GRM3: variants seen among roughly 807,000 people sequenced by gnomAD.
GRM3 encodes the protein metabotropic glutamate receptor 3.
GRM3 carries 26 observed loss-of-function variants against 70.5 expected under a neutral mutation model. The ratio of observed to expected loss-of-function variants is 0.37; its 90% CI spans 0.27 to 0.51. The LOEUF is 0.51. Ranked by LOEUF, GRM3 falls within the 20% of genes least tolerant of loss-of-function variation. The pLI is 0.93. For synonymous variants in GRM3, 443 were observed against 434.9 expected (o/e 1.02, Z -0.23); for missense variants, 859 against 1,123.8 (o/e 0.76, Z 3.37).
intron 1 of GRM3, among the ~76,000 whole-genome samples, chr7:86,746,206 T>C (rs1413713502): frequency 6.6e-6 from 1 of 151,458 alleles, no homozygotes; most frequent in Admixed American, 6.6e-5. Flanking sequence ...AGTACTTTGT[T>C]GATGTTCTGT....
chr7:86,688,751 A>G (rs1414993899), intron 1 of GRM3, among the ~76,000 whole-genome samples: 3 of 148,506 alleles, frequency 2.0e-5, no homozygotes, highest in Non-Finnish European at 3.0e-5. Flanking sequence ...TATATCGTAT[A>G]TATATATCTC....
chr7:86,857,102 T>C (rs1192754715), intron 5 of GRM3, among the ~76,000 whole-genome samples: 1 of 151,836 alleles, frequency 6.6e-6, no homozygotes, highest in Non-Finnish European at 1.5e-5. Flanking sequence ...ATTCTGACAA[T>C]GAGAATGTTA....
Position 86,765,423 on chromosome 7 carries a change from T to C in GRM3, c.278T>C (p.Val93Ala), listed in dbSNP as rs1796576276. 1.2e-6 allele frequency: 2 copies of C among 1,613,838 alleles called. No homozygotes were observed. Among genetic ancestry groups the C allele is most frequent in the African/African-American group, 2.7e-5 (2 of 74,900 alleles). Residue 93 changes from valine (V) to alanine (A), a missense_variant, in exon 2 of 6, where the codon GTT becomes GCT. Val to Ala is a moderately conservative substitution (Grantham distance 64). Coordinates refer to ENST00000361669, the MANE Select transcript of GRM3 (RefSeq NM_000840.3). ...DYLLPGVKLG[V>A]HILDTCSRDT... ...TTGCTACCAGGAGTGAAGTTGGGTG[T>C]TCACATTTTGGATACATGTTCAAGG...
intron 1 of GRM3, among the ~76,000 whole-genome samples, chr7:86,736,885 A>T (rs2116304584): frequency 6.6e-6 from 1 of 152,240 alleles, no homozygotes; most frequent in African/African-American, 2.4e-5. Flanking sequence ...TCATAAACTA[A>T]AATTTGCAGA....
At chr7:86,704,913 A>G (rs542493613) in intron 1 of GRM3, among the ~76,000 whole-genome samples, 7 of 151,994 alleles carry the variant, frequency 4.6e-5, no homozygotes, top group Non-Finnish European at 1.0e-4. Flanking sequence ...CAAAAATCTC[A>G]AAACTAAGGA....
chr7:86,847,838 A>G (rs770495430), intron 4 of GRM3, among the ~76,000 whole-genome samples: 1 of 152,208 alleles, frequency 6.6e-6, no homozygotes, highest in Non-Finnish European at 1.5e-5. Flanking sequence ...GAACTGGATA[A>G]CTGAAACTAT....
At chr7:86,752,258 A>T (rs1480199516) in intron 1 of GRM3, among the ~76,000 whole-genome samples, 4 of 152,104 alleles carry the variant, frequency 2.6e-5, no homozygotes, top group Non-Finnish European at 5.9e-5. Context: ...ATATAAATGG[A>T]TTCATGCAAT....
intron 1 of GRM3, among the ~76,000 whole-genome samples, chr7:86,708,565 G>A (rs766413220): frequency 7.9e-5 from 12 of 152,100 alleles, no homozygotes; most frequent in Non-Finnish European, 1.6e-4. Context: ...TTTGCCAGCT[G>A]GGGATAGACA....
Position 86,765,562 on chromosome 7 carries a change from A to G in GRM3, c.417A>G (p.Pro139=), listed in dbSNP as rs1258173964. Residue 139 remains proline (P), a synonymous_variant, in exon 2 of 6, where the codon CCA becomes CCG. Coordinates refer to ENST00000361669, the MANE Select transcript of GRM3 (RefSeq NM_000840.3). ...CCTATGCCATTCAAGAAAACATCCC[A>G]CTTCTCATTGCAGGGGTCATTGGTG... The part of the protein sequence containing the change: ...DGSYAIQENI[P]LLIAGVIGGS... The G allele has an allele frequency of 2.5e-6, 4 of 1,613,584 alleles. No individual in the cohort carries two copies. In the East Asian group the frequency reaches 6.7e-5, roughly 27 times the overall value.
chr7:86,728,430 T>G (rs1254533184), intron 1 of GRM3, among the ~76,000 whole-genome samples: 2 of 152,214 alleles, frequency 1.3e-5, no homozygotes, highest in Non-Finnish European at 1.5e-5. Flanking sequence ...TAGAAAGTTT[T>G]AAAAAGCTTG....
intron 1 of GRM3, among the ~76,000 whole-genome samples, chr7:86,682,737 AC>A (rs920575610): frequency 6.6e-6 from 1 of 152,134 alleles, no homozygotes; most frequent in Admixed American, 6.6e-5. Context: ...TCATTCAGCA[AC>A]TATTTATTGA....
At chr7:86,701,280 T>A (rs1430237105) in intron 1 of GRM3, among the ~76,000 whole-genome samples, 1 of 151,922 alleles carries the variant, frequency 6.6e-6, no homozygotes, top group Non-Finnish European at 1.5e-5. Context: ...GCTAGTCTAT[T>A]AAGTAAAATA....
chr7:86,732,288 C>G (rs1054499774), intron 1 of GRM3, among the ~76,000 whole-genome samples: 1 of 152,118 alleles, frequency 6.6e-6, no homozygotes, highest in African/African-American at 2.4e-5. Flanking sequence ...GTACTAAGTG[C>G]CTTAAAAACA....
chr7:86,750,757 AT>A (rs1796211592), intron 1 of GRM3, among the ~76,000 whole-genome samples: 1 of 152,108 alleles, frequency 6.6e-6, no homozygotes, highest in Non-Finnish European at 1.5e-5. Flanking sequence ...ACAAAGATCA[AT>A]AAAAGATTGA....
chr7:86,826,617 A>G (rs1022962806), intron 3 of GRM3, among the ~76,000 whole-genome samples: 1 of 152,242 alleles, frequency 6.6e-6, no homozygotes, highest in African/African-American at 2.4e-5. Context: ...TAGTAACCTT[A>G]ATATGGTGAC....
intron 1 of GRM3, among the ~76,000 whole-genome samples, chr7:86,743,738 G>A (rs1796041917): frequency 6.6e-6 from 1 of 152,104 alleles, no homozygotes; most frequent in African/African-American, 2.4e-5. Context: ...GAGTAGGATT[G>A]CAAACCTAGT....
chr7:86,721,803 C>T (rs1795471138), intron 1 of GRM3, among the ~76,000 whole-genome samples: 1 of 152,038 alleles, frequency 6.6e-6, no homozygotes, highest in Non-Finnish European at 1.5e-5. Context: ...GCTGAGACAG[C>T]ATTGGGAGGC....
chr7:86,705,886 G>A (rs995505257), intron 1 of GRM3, among the ~76,000 whole-genome samples: 1 of 151,972 alleles, frequency 6.6e-6, no homozygotes, highest in Non-Finnish European at 1.5e-5. Flanking sequence ...CACAAAGCAA[G>A]ATTATGCTGA....
chr7:86,833,302 C>T (rs920956826), intron 3 of GRM3: 2 of 150,990 alleles, frequency 1.3e-5, no homozygotes, highest in East Asian at 2.0e-4. Flanking sequence ...TGCTAGATGA[C>T]GTGTTAGTGG....
Sources: allele counts gnomAD v4.1 joint callset (sites outside exome capture counted in the v4.1 genomes callset), GRCh38; gene constraint gnomAD v4.1.1; transcripts MANE v1.5; gene names NCBI Gene and HGNC (gene_info 2026-07-23, HGNC 2026-07-21).